The following CNTN6 variants were observed in gnomAD, a reference collection of about 807,000 sequenced individuals.
CNTN6 encodes the protein contactin 6.
Under a neutral mutation model 122.8 loss-of-function variants are expected in CNTN6, and 137 were observed. The ratio of observed to expected loss-of-function variants is 1.12; its 90% CI spans 0.97 to 1.29. The LOEUF is 1.29. CNTN6 is among the 50% of genes most tolerant of loss of function. CNTN6 has a pLI of 0.00. For missense variants in CNTN6, 1,634 were observed against 1,223.4 expected (o/e 1.34, Z -5.01); for synonymous variants, 570 against 426.0 (o/e 1.34, Z -4.16).
intron 4 of CNTN6, among the ~76,000 whole-genome samples, chr3:1,236,327 G>A (rs1228334228): frequency 6.6e-6 from 1 of 152,110 alleles, no homozygotes; most frequent in African/African-American, 2.4e-5. Flanking sequence ...CCCTCACAGA[G>A]TTCACTTCAC....
chr3:1,265,754 C>G (rs1341072002), intron 4 of CNTN6, among the ~76,000 whole-genome samples: 2 of 152,166 alleles, frequency 1.3e-5, no homozygotes, highest in Non-Finnish European at 2.9e-5. Context: ...TCCTGATATG[C>G]CATGTCCTCT....
intron 1 of CNTN6, among the ~76,000 whole-genome samples, chr3:1,098,789 C>CATATATATATATATATATATATAT (rs1169127167): frequency 2.7e-4 from 17 of 63,234 alleles, no homozygotes; most frequent in East Asian, 6.5e-4. Flanking sequence ...CACACACACA[C>CATATATATATATATATATATATAT]ATATATATAT....
intron 4 of CNTN6, among the ~76,000 whole-genome samples, chr3:1,268,200 C>CA (rs1298709964): frequency 6.6e-6 from 1 of 152,168 alleles, no homozygotes; most frequent in East Asian, 1.9e-4. Flanking sequence ...ATTGTATGTC[C>CA]ACCCAAGAGG....
chr3:1,193,532 T>C (rs948219451), intron 2 of CNTN6, among the ~76,000 whole-genome samples: 7 of 152,168 alleles, frequency 4.6e-5, no homozygotes, highest in African/African-American at 1.4e-4. Context: ...AACTACCATA[T>C]GGTCACAATC....
intron 21 of CNTN6, among the ~76,000 whole-genome samples, 169 bp downstream of exon 21, chr3:1,401,714 A>G (rs1695735849): frequency 6.6e-6 from 1 of 152,062 alleles, no homozygotes; most frequent in Non-Finnish European, 1.5e-5. Flanking sequence ...AAAATGTTTT[A>G]CATTCCAAGG....
At chr3:1,142,874 G>A (rs1488292619) in intron 1 of CNTN6, among the ~76,000 whole-genome samples, 1 of 151,400 alleles carries the variant, frequency 6.6e-6, no homozygotes, top group Admixed American at 6.6e-5. Context: ...ATAAATTTGT[G>A]TGTACAAATT....
In CNTN6 at chr3:1,230,473, A is replaced by G. The variant is rs1363446143; in HGVS notation, c.358+2480A>G. Among the ~76,000 whole-genome samples, 3 of 152,150 alleles carry G rather than the reference A, an allele frequency of 2.0e-5. 1 individual carries two copies. Among genetic ancestry groups the G allele is most frequent in the African/African-American group, 7.2e-5 (3 of 41,440 alleles). Reference sequence around the variant, plus strand: ...TCTCAACTTAGACAGACATCTATATATTTCAAACCACTTGAGTTTCTTATG... The same window carrying G: ...TCTCAACTTAGACAGACATCTATATGTTTCAAACCACTTGAGTTTCTTATG... On this transcript the variant is annotated intron_variant, in intron 4 of 22. Transcript: ENST00000446702.
At chr3:1,114,308 A>G (rs2091616798) in intron 1 of CNTN6, among the ~76,000 whole-genome samples, 1 of 152,184 alleles carries the variant, frequency 6.6e-6, no homozygotes, top group South Asian at 2.1e-4. Context: ...CCATCACTTG[A>G]ATGCACGTTG....
intron 16 of CNTN6, 45 bp from the exon 17 acceptor site, chr3:1,376,960 G>A (rs771941937): frequency 1.5e-5 from 20 of 1,298,788 alleles, no homozygotes; most frequent in Middle Eastern, 1.8e-4. Context: ...TGATGAAGAC[G>A]TACTTTAATA....
At chr3:1,283,165 G>C (rs1315818599) in intron 5 of CNTN6, among the ~76,000 whole-genome samples, 1 of 152,102 alleles carries the variant, frequency 6.6e-6, no homozygotes, top group South Asian at 2.1e-4. Flanking sequence ...GTAGAGACAG[G>C]GTGGGTCTCC....
intron 2 of CNTN6, among the ~76,000 whole-genome samples, chr3:1,202,064 G>A (rs1210283444): frequency 6.6e-6 from 1 of 152,128 alleles, no homozygotes; most frequent in East Asian, 1.9e-4. Context: ...TTTAAAAAAT[G>A]CTAGTGGAGT....
At position 1,129,831 on chromosome 3, in the gene CNTN6, C is replaced by G. The variant is rs541383724; in HGVS notation, c.-82-18096C>G. On this transcript the variant is annotated intron_variant, in intron 1 of 22. Transcript: ENST00000446702. The stretch of plus-strand genomic sequence containing the variant: ...TTATCAATAGTTATTGATTTCACGT[C>G]TCAAGTCATGCTTTTGAAAACTATT... Among the ~76,000 whole-genome samples, 5 of 151,868 alleles carry G rather than the reference C, an allele frequency of 3.3e-5. No individual in the cohort carries two copies. In the South Asian group the frequency reaches 1.0e-3, roughly 32 times the overall value.
intron 1 of CNTN6, among the ~76,000 whole-genome samples, chr3:1,111,676 G>A (rs1001029668): frequency 2.0e-5 from 3 of 152,250 alleles, no homozygotes; most frequent in South Asian, 2.1e-4. Flanking sequence ...GTGTGAGGTA[G>A]TTTCATTTCA....
At chr3:1,215,078 G>A (rs1345007175) in intron 2 of CNTN6, among the ~76,000 whole-genome samples, 1 of 152,134 alleles carries the variant, frequency 6.6e-6, no homozygotes, top group Non-Finnish European at 1.5e-5. Flanking sequence ...TACTTAGCTT[G>A]CTATTTCTGT....
chr3:1,347,180 AT>A (rs1302771545), intron 11 of CNTN6, among the ~76,000 whole-genome samples: 2 of 152,174 alleles, frequency 1.3e-5, no homozygotes, highest in African/African-American at 4.8e-5. Context: ...CATTAGAGGA[AT>A]TGCATGGTAC....
At chr3:1,382,017 A>G (rs943704087) in intron 17 of CNTN6, among the ~76,000 whole-genome samples, 2 of 152,018 alleles carry the variant, frequency 1.3e-5, no homozygotes, top group Non-Finnish European at 2.9e-5. Context: ...GAATAAAGAG[A>G]ACCTCTGAAA....
intron 2 of CNTN6, among the ~76,000 whole-genome samples, chr3:1,203,131 T>C (rs1026789883): frequency 1.1e-4 from 16 of 152,296 alleles, no homozygotes; most frequent in South Asian, 2.1e-4. Context: ...TTCATTGTGT[T>C]CCACTAAGAA....
intron 1 of CNTN6, among the ~76,000 whole-genome samples, chr3:1,101,199 C>T (rs771220489): frequency 1.6e-4 from 24 of 152,058 alleles, no homozygotes; most frequent in South Asian, 1.0e-3. Context: ...GTTCTGATTG[C>T]CTTTTTCGGA....
rs1157293122 is a variant in CNTN6 at position 1,351,625 on chromosome 3, T to C, written c.1365-699T>C. ...CTAGAGTTTCAGAGAAAATTTAATA[T>C]GGATTATTTTATGAAAGATGGGAAC... is the stretch of plus-strand genomic sequence containing the variant. On this transcript the variant is annotated intron_variant, in intron 11 of 22. Coordinates refer to ENST00000446702, the MANE Select transcript of CNTN6 (RefSeq NM_001289080.2). 4.0e-5 allele frequency among the ~76,000 whole-genome samples: 6 copies of C among 151,802 alleles called. No individual in the cohort carries two copies. In the East Asian group the frequency reaches 1.2e-3, roughly 29 times the overall value.
Sources: gnomAD v4.1 joint callset for allele counts (sites outside exome capture counted in the v4.1 genomes callset) on GRCh38, gnomAD v4.1.1 for gene constraint, MANE v1.5 for transcripts, NCBI Gene and HGNC (gene_info 2026-07-23, HGNC 2026-07-21) for gene names.